The following DOCK5 variants were observed in gnomAD, a reference collection of about 807,000 sequenced individuals.
DOCK5 encodes the protein dedicator of cytokinesis protein 5.
In DOCK5, 142 loss-of-function variants were observed where a neutral mutation model predicts 251.8. The ratio of observed to expected loss-of-function variants is 0.56; its 90% CI spans 0.49 to 0.65. DOCK5 has a LOEUF of 0.65. Among genes scored for constraint, DOCK5 ranks in the 30% least tolerant of loss-of-function variants. The pLI is 0.00. For synonymous variants in DOCK5, 842 were observed against 835.5 expected, an observed-to-expected ratio of 1.01 and a Z score of -0.13; for missense variants, 2,111 against 2,312.3, an observed-to-expected ratio of 0.91 and a Z score of 1.79.
chr8:25,269,236 A>G (rs946466741), intron 3 of DOCK5, among the ~76,000 whole-genome samples: 2 of 152,216 alleles, frequency 1.3e-5, no homozygotes, highest in Admixed American at 6.5e-5. Flanking sequence ...TTTACTTCCA[A>G]TGCTACAATT....
chr8:25,204,753 T>A (rs1801961230), intron 1 of DOCK5, among the ~76,000 whole-genome samples: 1 of 152,204 alleles, frequency 6.6e-6, no homozygotes, highest in Non-Finnish European at 1.5e-5. Flanking sequence ...CATACGTTAA[T>A]AGGAAGAACT....
At chr8:25,220,505 C>G (rs1480393260) in intron 1 of DOCK5, among the ~76,000 whole-genome samples, 1 of 152,154 alleles carries the variant, frequency 6.6e-6, no homozygotes, top group East Asian at 1.9e-4. Flanking sequence ...GGCTCTTTGT[C>G]TGCAGCAGGA....
At position 25,373,345 on chromosome 8, in the gene DOCK5, G is replaced by A. The variant is rs775313039; in HGVS notation, c.3685-273G>A. Among the ~76,000 whole-genome samples the A allele has an allele frequency of 1.4e-4, 21 of 152,226 alleles. 1 individual carries two copies. Among genetic ancestry groups the A allele is most frequent in the South Asian group, 6.2e-4 (3 of 4,830 alleles). On this transcript the variant is annotated intron_variant, in intron 35 of 51. Transcript: ENST00000276440. Reference sequence around the variant, plus strand: ...TGATTTTTGAGATTTTAGAGCACCCGTCACCCGAGCACTGTACCCAAAATG... The same window carrying A: ...TGATTTTTGAGATTTTAGAGCACCCATCACCCGAGCACTGTACCCAAAATG...
At chr8:25,300,782 A>T in intron 9 of DOCK5, 125 bp downstream of exon 9, 1 of 961,808 alleles carries the variant, frequency 1.0e-6, no homozygotes, top group Non-Finnish European at 1.5e-6. Context: ...GCCTAGCAGG[A>T]ATAACCCACC....
chr8:25,333,663 G>T (rs1805733578), intron 20 of DOCK5, among the ~76,000 whole-genome samples: 1 of 152,214 alleles, frequency 6.6e-6, no homozygotes, highest in Admixed American at 6.5e-5. Flanking sequence ...GTAATTGGGA[G>T]ATAAAACTCT....
In DOCK5 at chr8:25,408,879, ACCT is replaced by A; in HGVS notation, c.5348_5350del (p.Pro1783del). 6.2e-7 allele frequency: 1 copy of A among 1,613,670 alleles called. No homozygotes were observed. The highest frequency in any genetic ancestry group is 8.5e-7 in the Non-Finnish European group (1 of 1,179,830). Reference sequence around the variant, plus strand: ...GGCTATCACCATTTCACGGTTCTTCACCTCCTCAGTCAACACCCTTGAGCCCAC... The same window carrying A: ...GGCTATCACCATTTCACGGTTCTTCACCTCAGTCAACACCCTTGAGCCCAC... On this transcript the variant is annotated inframe_deletion, in exon 50 of 52. Coordinates refer to ENST00000276440, the MANE Select transcript of DOCK5 (RefSeq NM_024940.8).
chr8:25,285,863 C>G (rs989630226), intron 5 of DOCK5, among the ~76,000 whole-genome samples: 1 of 152,174 alleles, frequency 6.6e-6, no homozygotes, highest in Non-Finnish European at 1.5e-5. Flanking sequence ...CAGTGTGGCT[C>G]TAACAAGAGA....
chr8:25,345,646 C>T, intron 26 of DOCK5, 35 bp downstream of exon 26: 4 of 1,609,926 alleles, frequency 2.5e-6, no homozygotes, highest in Non-Finnish European at 3.4e-6. Context: ...GCACAGAGTT[C>T]ACACTGTCCC....
chr8:25,383,603 C>T (rs1385758119), intron 40 of DOCK5, among the ~76,000 whole-genome samples: 1 of 152,100 alleles, frequency 6.6e-6, no homozygotes, highest in African/African-American at 2.4e-5. Context: ...GCCTGTAATC[C>T]CAGCGCTTTG....
intron 50 of DOCK5, 55 bp from the exon 51 acceptor site, chr8:25,410,044 T>C (rs1184097374): frequency 1.4e-6 from 2 of 1,424,726 alleles, no homozygotes; most frequent in African/African-American, 2.8e-5. Context: ...AACATTTCCA[T>C]GAGCTTCCTT....
intron 41 of DOCK5, among the ~76,000 whole-genome samples, 173 bp downstream of exon 41, chr8:25,389,405 CTGG>C (rs916090973): frequency 6.6e-6 from 1 of 152,110 alleles, no homozygotes; most frequent in Non-Finnish European, 1.5e-5. Flanking sequence ...ATAGCATTAG[CTGG>C]TGGTGATGAC....
At chr8:25,194,183 A>C (rs1586217437) in intron 1 of DOCK5, among the ~76,000 whole-genome samples, 1 of 151,716 alleles carries the variant, frequency 6.6e-6, no homozygotes, top group East Asian at 1.9e-4. Context: ...CATTGCAGCT[A>C]CTAGGGAGGC....
intron 2 of DOCK5, among the ~76,000 whole-genome samples, chr8:25,246,179 G>C (rs916277737): frequency 6.6e-6 from 1 of 152,166 alleles, no homozygotes; most frequent in African/African-American, 2.4e-5. Flanking sequence ...GCAAGTCCCA[G>C]GGCTTCAATT....
chr8:25,231,039 C>T (rs1802655831), intron 1 of DOCK5, among the ~76,000 whole-genome samples: 1 of 152,052 alleles, frequency 6.6e-6, no homozygotes, highest in Admixed American at 6.6e-5. Context: ...TAAACATACC[C>T]TCGGGTTAGT....
intron 50 of DOCK5, chr8:25,409,763 G>A (rs1051663111): frequency 6.1e-6 from 1 of 163,852 alleles, no homozygotes; most frequent in Admixed American, 6.3e-5. Flanking sequence ...GGAGAATGGC[G>A]TGAACCCGGG....
chr8:25,201,672 A>G (rs1283717600), intron 1 of DOCK5, among the ~76,000 whole-genome samples: 5 of 152,316 alleles, frequency 3.3e-5, no homozygotes, highest in Admixed American at 3.3e-4. Context: ...TTTGAAGTCC[A>G]AGTCTCCTAA....
intron 1 of DOCK5, among the ~76,000 whole-genome samples, chr8:25,230,691 A>G (rs969784612): frequency 2.6e-5 from 4 of 151,922 alleles, no homozygotes; most frequent in Non-Finnish European, 4.4e-5. Flanking sequence ...TCTCTACTAA[A>G]AATACAAAAA....
rs961643369 is a variant in DOCK5 at position 25,261,827 on chromosome 8, G to A, written c.128-7018G>A. Reference sequence around the variant, plus strand: ...AGATCACTGCGAGTTAGTTTTACCTGTGAGTCAACTTCATATCAGTGGAAT... The same window carrying A: ...AGATCACTGCGAGTTAGTTTTACCTATGAGTCAACTTCATATCAGTGGAAT... On this transcript the variant is annotated intron_variant, in intron 2 of 51. Coordinates refer to ENST00000276440, the MANE Select transcript of DOCK5 (RefSeq NM_024940.8). Among the ~76,000 whole-genome samples, 12 of 152,280 alleles carry A rather than the reference G, an allele frequency of 7.9e-5. No individual in the cohort carries two copies. The South Asian group carries it at 1.2e-3, about 16-fold the overall frequency.
intron 1 of DOCK5, among the ~76,000 whole-genome samples, chr8:25,226,680 G>C (rs1017285895): frequency 6.6e-6 from 1 of 151,426 alleles, no homozygotes; most frequent in Non-Finnish European, 1.5e-5. Context: ...CCGCCTCCTG[G>C]GTTCACGCCA....
Sources: allele counts gnomAD v4.1 joint callset (sites outside exome capture counted in the v4.1 genomes callset), GRCh38; gene constraint gnomAD v4.1.1; transcripts MANE v1.5; gene names NCBI Gene and HGNC (gene_info 2026-07-23, HGNC 2026-07-21).